The following MEGF10 variants were observed in gnomAD, a reference collection of about 807,000 sequenced individuals.
The protein encoded by MEGF10 is multiple EGF like domains 10, also known as multiple epidermal growth factor-like domains protein 10.
A neutral mutation model predicts 147.5 loss-of-function variants in MEGF10; 86 were observed. The ratio of observed to expected loss-of-function variants is 0.58; its 90% CI spans 0.49 to 0.70. The LOEUF (loss-of-function observed/expected upper bound fraction) is 0.70. Among genes scored for constraint, MEGF10 ranks in the 30% least tolerant of loss-of-function variants. The pLI, the probability that MEGF10 is intolerant of heterozygous loss-of-function variation, is 0.00. For synonymous variants in MEGF10, 478 were observed against 525.5 expected, an observed-to-expected ratio of 0.91 and a Z score of 1.24; for missense variants, 1,329 against 1,487.3, an observed-to-expected ratio of 0.89 and a Z score of 1.75.
chr5:127,445,436 A>G, intron 19 of MEGF10, 21 bp from the exon 20 acceptor site: 1 of 1,580,694 alleles, frequency 6.3e-7, no homozygotes, highest in Non-Finnish European at 8.7e-7. Flanking sequence ...ATCCTTTCTC[A>G]AGTCTCTCTT....
intron 8 of MEGF10, among the ~76,000 whole-genome samples, chr5:127,406,851 T>G (rs1764348969): frequency 6.6e-6 from 1 of 152,142 alleles, no homozygotes; most frequent in African/African-American, 2.4e-5. Flanking sequence ...CTGAAGGGGT[T>G]AAAAGAGTTT....
intron 1 of MEGF10, among the ~76,000 whole-genome samples, chr5:127,329,315 T>C (rs1561574474): frequency 6.6e-6 from 1 of 152,202 alleles, no homozygotes. Flanking sequence ...CTTTAATGGC[T>C]TACACAATAT....
intron 13 of MEGF10, 24 bp downstream of exon 13, chr5:127,422,796 G>A (rs773436577): frequency 6.3e-7 from 1 of 1,581,562 alleles, no homozygotes; most frequent in South Asian, 1.1e-5. Context: ...ACCGCTAATT[G>A]AAAGGTGAAA....
At chr5:127,419,996 C>T (rs765871625) in intron 11 of MEGF10, 48 bp from the exon 12 acceptor site, 1 of 1,596,658 alleles carries the variant, frequency 6.3e-7, no homozygotes, top group Admixed American at 1.7e-5. Flanking sequence ...CAACAAGGCT[C>T]TCTGCTGCCT....
chr5:127,233,623 A>G, the MEGF10 span, among the ~76,000 whole-genome samples: 1 of 152,250 alleles, frequency 6.6e-6, no homozygotes, highest in South Asian at 2.1e-4. Flanking sequence ...GTTAATGAAT[A>G]ATAGTATTCA....
At chr5:127,284,029 C>T in the MEGF10 span, among the ~76,000 whole-genome samples, 1 of 152,176 alleles carries the variant, frequency 6.6e-6, no homozygotes, top group Non-Finnish European at 1.5e-5. Flanking sequence ...CAGAAAAGTA[C>T]TCCTAACTCC....
chr5:127,312,227 T>C (rs1760320060), intron 1 of MEGF10, among the ~76,000 whole-genome samples: 1 of 152,180 alleles, frequency 6.6e-6, no homozygotes, highest in South Asian at 2.1e-4. Context: ...CTATCTTAAC[T>C]GGCACCAGGA....
chr5:127,390,331 C>T (rs1763597300), intron 5 of MEGF10, among the ~76,000 whole-genome samples: 1 of 151,798 alleles, frequency 6.6e-6, no homozygotes, highest in African/African-American at 2.4e-5. Flanking sequence ...ACTCTGTCAT[C>T]CAGGTTGGAG....
At chr5:127,375,205 A>C (rs1762979855) in intron 5 of MEGF10, among the ~76,000 whole-genome samples, 1 of 145,330 alleles carries the variant, frequency 6.9e-6, no homozygotes, top group South Asian at 2.2e-4. Context: ...TCAATTGATA[A>C]CTGTCCTACA....
chr5:127,417,505 G>T, intron 9 of MEGF10, 133 bp from the exon 10 acceptor site: 1 of 856,662 alleles, frequency 1.2e-6, no homozygotes, highest in Non-Finnish European at 1.9e-6. Flanking sequence ...TACCAAGCCT[G>T]GGAATGAAGT....
the MEGF10 span, among the ~76,000 whole-genome samples, chr5:127,258,078 A>T: frequency 6.6e-6 from 1 of 152,204 alleles, no homozygotes; most frequent in African/African-American, 2.4e-5. Context: ...AATCAGATGG[A>T]GACCCATCAA....
chr5:127,333,576 C>A (rs142554164), intron 2 of MEGF10, among the ~76,000 whole-genome samples: 283 of 151,976 alleles, frequency 1.9e-3, no homozygotes, highest in African/African-American at 6.4e-3. Flanking sequence ...TTCAAATAAT[C>A]CGGCACCCAC....
intron 6 of MEGF10, among the ~76,000 whole-genome samples, chr5:127,397,011 T>G (rs1763942115): frequency 6.6e-6 from 1 of 152,224 alleles, no homozygotes; most frequent in Non-Finnish European, 1.5e-5. Flanking sequence ...GCTTCCATGC[T>G]TTCCTTCTAG....
At chr5:127,233,769 G>T in the MEGF10 span, among the ~76,000 whole-genome samples, 2 of 152,138 alleles carry the variant, frequency 1.3e-5, no homozygotes, top group African/African-American at 4.8e-5. Flanking sequence ...ATTTGTCATG[G>T]CCAGCTTAAC....
intron 1 of MEGF10, among the ~76,000 whole-genome samples, chr5:127,329,905 T>C (rs1490607783): frequency 6.6e-6 from 1 of 152,112 alleles, no homozygotes; most frequent in Non-Finnish European, 1.5e-5. Context: ...CCATTACAGG[T>C]GTTACACACC....
intron 5 of MEGF10, among the ~76,000 whole-genome samples, chr5:127,382,634 A>T (rs937098446): frequency 6.6e-6 from 1 of 152,218 alleles, no homozygotes; most frequent in Non-Finnish European, 1.5e-5. Flanking sequence ...TTTTTAAGAC[A>T]GAAGATACTA....
At position 127,457,982 on chromosome 5, in the gene MEGF10, G is replaced by A. The variant is rs1436858810; in HGVS notation, c.*664G>A. 2.0e-5 allele frequency: 3 copies of A among 152,202 alleles called. No individual in the cohort carries two copies. 9.4% of individuals were successfully genotyped at this position (152,202 alleles called of 1,614,324 possible). A position where few individuals can be genotyped will look rare whatever the true frequency, so the allele number is the denominator to read the frequency against. ...AATTAGAATTATTTTAGAAATAGTA[G>A]GAAGTATTGCAGAAGTCAATACACA... On this transcript the variant is annotated 3_prime_UTR_variant, in exon 25 of 25. Transcript: ENST00000503335.
chr5:127,244,195 CA>C, the MEGF10 span, among the ~76,000 whole-genome samples: 650 of 70,578 alleles, frequency 9.2e-3, 3 homozygotes, highest in African/African-American at 0.032. Flanking sequence ...AAACTCTGTC[CA>C]AAAAAAAAAA....
chr5:127,229,527 C>A, the MEGF10 span: 12 of 152,168 alleles, frequency 7.9e-5, no homozygotes, highest in African/African-American at 2.9e-4. Flanking sequence ...GGAGGCGCGT[C>A]ATGTGCAAAA....
Sources: gnomAD v4.1 joint callset for allele counts (sites outside exome capture counted in the v4.1 genomes callset) on GRCh38, gnomAD v4.1.1 for gene constraint, MANE v1.5 for transcripts, NCBI Gene and HGNC (gene_info 2026-07-23, HGNC 2026-07-21) for gene names.